The following REC114 variants were observed in gnomAD, a reference collection of about 807,000 sequenced individuals.
REC114 encodes the protein REC114 meiotic recombination protein.
A neutral mutation model predicts 31.3 loss-of-function variants in REC114; 27 were observed. The observed-to-expected ratio is 0.86, with a 90% CI of 0.64 to 1.19. The LOEUF is 1.19. Ranked by LOEUF, REC114 falls within the 50% of genes most tolerant of loss-of-function variation. The probability of loss-of-function intolerance (pLI) is 0.00; values close to 1 mark genes in which losing one functional copy is unlikely to be tolerated. For missense variants in REC114, 344 were observed against 326.9 expected (o/e 1.05, Z -0.40); for synonymous variants, 134 against 127.7 (o/e 1.05, Z -0.33).
Position 73,530,284 on chromosome 15 carries a change from A to T in REC114, c.250-10201A>T, listed in dbSNP as rs1304026550. On this transcript the variant is annotated intron_variant, in intron 2 of 5. Transcript: ENST00000331090. ...AATCTAATCAAACCAGCTACAAATT[A>T]TTTCTATCTATCTTATTATTCCCTT... Among the ~76,000 whole-genome samples, 3 of 152,206 alleles carry T rather than the reference A, an allele frequency of 2.0e-5. No individual in the cohort carries two copies. In the East Asian group the frequency reaches 5.8e-4, roughly 29 times the overall value.
chr15:73,476,217 CTT>C (rs1893212765), intron 2 of REC114, among the ~76,000 whole-genome samples: 1 of 152,042 alleles, frequency 6.6e-6, no homozygotes, highest in Non-Finnish European at 1.5e-5. Context: ...TTTGTTTAAT[CTT>C]TTTTAAAATT....
At chr15:73,505,382 T>C (rs1343377050) in intron 2 of REC114, among the ~76,000 whole-genome samples, 3 of 152,180 alleles carry the variant, frequency 2.0e-5, no homozygotes, top group African/African-American at 4.8e-5. Flanking sequence ...AAGATTCTTA[T>C]GAAAACAGTT....
intron 5 of REC114, among the ~76,000 whole-genome samples, chr15:73,556,622 C>T (rs1466888716): frequency 6.6e-6 from 1 of 152,000 alleles, no homozygotes; most frequent in Non-Finnish European, 1.5e-5. Flanking sequence ...TCAAGATCTA[C>T]CCTCCTAAGG....
chr15:73,540,181 T>C (rs1444389654), intron 2 of REC114, among the ~76,000 whole-genome samples: 1 of 152,170 alleles, frequency 6.6e-6, no homozygotes, highest in Admixed American at 6.5e-5. Context: ...CCTAGAGGCA[T>C]AGAAAGGCAT....
At chr15:73,500,639 G>C (rs534169849) in intron 2 of REC114, among the ~76,000 whole-genome samples, 14 of 151,686 alleles carry the variant, frequency 9.2e-5, no homozygotes, top group Non-Finnish European at 4.4e-5. Flanking sequence ...GTAAAGTTAA[G>C]ATATGTGTAT....
At chr15:73,528,194 T>G (rs1480161933) in intron 2 of REC114, among the ~76,000 whole-genome samples, 1 of 152,138 alleles carries the variant, frequency 6.6e-6, no homozygotes, top group Non-Finnish European at 1.5e-5. Flanking sequence ...TATAACAAAA[T>G]AGTTGATGAG....
intron 2 of REC114, among the ~76,000 whole-genome samples, chr15:73,534,399 C>T (rs1894128051): frequency 6.6e-6 from 1 of 152,324 alleles, no homozygotes; most frequent in Middle Eastern, 3.4e-3. Context: ...ATACTACAAT[C>T]ACCTCTACGC....
intron 2 of REC114, among the ~76,000 whole-genome samples, chr15:73,516,841 G>C (rs1275374470): frequency 6.6e-6 from 1 of 152,098 alleles, no homozygotes; most frequent in Non-Finnish European, 1.5e-5. Flanking sequence ...TGGCCAGGCT[G>C]GTCTTGAACT....
At chr15:73,542,148 T>C (rs1157223147) in intron 3 of REC114, among the ~76,000 whole-genome samples, 1 of 151,800 alleles carries the variant, frequency 6.6e-6, no homozygotes, top group African/African-American at 2.4e-5. Flanking sequence ...CTGGACAACG[T>C]GATGAAACCC....
At chr15:73,461,062 T>G (rs563064491) in intron 1 of REC114, among the ~76,000 whole-genome samples, 1 of 152,238 alleles carries the variant, frequency 6.6e-6, no homozygotes, top group Admixed American at 6.5e-5. Flanking sequence ...AGATAATTTT[T>G]GTACATTGTA....
chr15:73,443,470 T>TCCATTCCCCAACAGGCC, intron 1 of REC114, 126 bp downstream of exon 1: 2 of 1,165,998 alleles, frequency 1.7e-6, no homozygotes, highest in Non-Finnish European at 2.3e-6. Context: ...GCCAGGCCTG[T>TCCATTCCCCAACAGGCC]TGGGGAATGG....
intron 1 of REC114, among the ~76,000 whole-genome samples, chr15:73,447,530 C>T (rs911632819): frequency 7.2e-5 from 11 of 151,990 alleles, no homozygotes; most frequent in East Asian, 1.9e-4. Flanking sequence ...TGGTGAAACC[C>T]GAGGCTACTT....
At chr15:73,455,076 A>C (rs1050404711) in intron 1 of REC114, among the ~76,000 whole-genome samples, 1 of 152,114 alleles carries the variant, frequency 6.6e-6, no homozygotes, top group Non-Finnish European at 1.5e-5. Context: ...GTGCCGAACC[A>C]TCCTACCCGC....
At chr15:73,473,960 C>T in intron 2 of REC114, 39 bp downstream of exon 2, 2 of 1,270,382 alleles carry the variant, frequency 1.6e-6, no homozygotes, top group Non-Finnish European at 1.1e-6. Context: ...GGAAATACAT[C>T]TTTGTCTTCT....
chr15:73,559,482 T>C (rs1482653784), intron 5 of REC114, among the ~76,000 whole-genome samples: 5 of 152,200 alleles, frequency 3.3e-5, no homozygotes, highest in African/African-American at 4.8e-5. Flanking sequence ...GAATCTCAAC[T>C]TTGCAAACAT....
At chr15:73,453,408 A>G (rs1429695476) in intron 1 of REC114, among the ~76,000 whole-genome samples, 1 of 152,222 alleles carries the variant, frequency 6.6e-6, no homozygotes, top group Non-Finnish European at 1.5e-5. Context: ...GCAAATGAAA[A>G]CCACAATGAG....
chr15:73,557,190 C>T (rs1894481290), intron 5 of REC114, among the ~76,000 whole-genome samples: 1 of 151,670 alleles, frequency 6.6e-6, no homozygotes, highest in African/African-American at 2.4e-5. Context: ...CTGCCTTAGC[C>T]TCCTGAGTAG....
chr15:73,501,174 G>C (rs983945899), intron 2 of REC114, among the ~76,000 whole-genome samples: 1 of 152,258 alleles, frequency 6.6e-6, no homozygotes, highest in African/African-American at 2.4e-5. Context: ...CACAATTTTT[G>C]CTAACTGTAT....
intron 2 of REC114, among the ~76,000 whole-genome samples, chr15:73,504,295 G>C (rs548711098): frequency 6.6e-6 from 1 of 151,960 alleles, no homozygotes; most frequent in South Asian, 2.1e-4. Context: ...GAGCCACTGC[G>C]CCCGGCCTGA....
Sources: gnomAD v4.1 joint callset for allele counts (sites outside exome capture counted in the v4.1 genomes callset) on GRCh38, gnomAD v4.1.1 for gene constraint, MANE v1.5 for transcripts, NCBI Gene and HGNC (gene_info 2026-07-23, HGNC 2026-07-21) for gene names.